The following SLC25A21 variants were observed in gnomAD, a reference collection of about 807,000 sequenced individuals.
SLC25A21 encodes mitochondrial 2-oxodicarboxylate carrier.
SLC25A21 carries 47 observed loss-of-function variants against 43.8 expected under a neutral mutation model. The observed-to-expected ratio is 1.07, with a 90% CI of 0.85 to 1.37. SLC25A21 has a LOEUF of 1.37. SLC25A21 is among the 40% of genes most tolerant of loss of function. The pLI is 0.00. For synonymous variants in SLC25A21, 131 were observed against 121.3 expected (o/e 1.08, Z -0.52); for missense variants, 352 against 350.2 (o/e 1.00, Z -0.04).
At chr14:36,711,204 A>G (rs1300364488) in intron 7 of SLC25A21, 114 bp downstream of exon 7, 1 of 894,190 alleles carries the variant, frequency 1.1e-6, no homozygotes, top group Middle Eastern at 3.2e-4. Flanking sequence ...ATCAAATTAG[A>G]TAATAGATGT....
chr14:36,721,234 A>C (rs1264155930), intron 6 of SLC25A21, among the ~76,000 whole-genome samples: 1 of 152,224 alleles, frequency 6.6e-6, no homozygotes, highest in Non-Finnish European at 1.5e-5. Flanking sequence ...TTACTGAACC[A>C]TCACTGCATG....
intron 2 of SLC25A21, among the ~76,000 whole-genome samples, chr14:36,840,952 C>T (rs1211151330): frequency 1.3e-5 from 2 of 152,180 alleles, no homozygotes; most frequent in African/African-American, 4.8e-5. Context: ...TGAGTCTAAG[C>T]TGAAGGACAG....
intron 2 of SLC25A21, among the ~76,000 whole-genome samples, chr14:36,847,124 T>C (rs1889571032): frequency 2.0e-5 from 3 of 152,198 alleles, no homozygotes; most frequent in African/African-American, 4.8e-5. Context: ...GAGTGCACCA[T>C]ATTACTTTTT....
At chr14:37,057,226 ACC>A (rs1961849296) in intron 1 of SLC25A21, among the ~76,000 whole-genome samples, 2 of 152,160 alleles carry the variant, frequency 1.3e-5, no homozygotes, top group African/African-American at 2.4e-5. Context: ...GACGTTCCTC[ACC>A]CAGCTCATTT....
At chr14:36,756,214 G>A (rs558502691) in intron 3 of SLC25A21, among the ~76,000 whole-genome samples, 8 of 152,336 alleles carry the variant, frequency 5.3e-5, no homozygotes, top group African/African-American at 1.9e-4. Flanking sequence ...AGCGGGGGCA[G>A]CTGAGGGAAG....
chr14:36,888,061 G>T (rs1182882601), intron 1 of SLC25A21, among the ~76,000 whole-genome samples: 1 of 152,088 alleles, frequency 6.6e-6, no homozygotes, highest in African/African-American at 2.4e-5. Flanking sequence ...TAAGGAAGCT[G>T]GCAAATGCTA....
Position 36,765,031 on chromosome 14 carries a change from A to G in SLC25A21, c.204-30458T>C, listed in dbSNP as rs116736123. ...CTATGTCCCTTCTCTTTAAATCTCA[A>G]TGGGCTCTGTGATTTCCTTGACCAA... On this transcript the variant is annotated intron_variant, in intron 3 of 9. Transcript: ENST00000331299. 2.0e-3 allele frequency among the ~76,000 whole-genome samples: 311 copies of G among 152,302 alleles called. 3 individuals are homozygous for G. Among genetic ancestry groups the G allele is most frequent in the African/African-American group, 7.1e-3 (294 of 41,546 alleles).
At chr14:36,939,599 C>A (rs775143641) in intron 1 of SLC25A21, among the ~76,000 whole-genome samples, 1 of 152,080 alleles carries the variant, frequency 6.6e-6, no homozygotes, top group East Asian at 1.9e-4. Flanking sequence ...AAATCTTCCT[C>A]TTGCTGTCCT....
intron 3 of SLC25A21, among the ~76,000 whole-genome samples, chr14:36,769,848 CT>C (rs1886551463): frequency 2.0e-5 from 3 of 152,202 alleles, no homozygotes; most frequent in Admixed American, 2.0e-4. Flanking sequence ...ATTTCTTACT[CT>C]TACACCTCTT....
chr14:36,715,272 G>C lies in SLC25A21; in HGVS notation c.439-3790C>G, dbSNP rs55980416. Among the ~76,000 whole-genome samples, 1,259 of 152,074 alleles carry C rather than the reference G, an allele frequency of 8.3e-3. 21 individuals carry two copies. Among genetic ancestry groups the C allele is most frequent in the African/African-American group, 0.029 (1,197 of 41,482 alleles). ...TAGTGTGTTTTCTTTCTTCATTCAG[G>C]GACATTGTTTCACACATATGTAAGC... On this transcript the variant is annotated intron_variant, in intron 6 of 9. Coordinates refer to ENST00000331299, the MANE Select transcript of SLC25A21 (RefSeq NM_030631.4).
chr14:36,973,771 G>A (rs1043311300), intron 1 of SLC25A21, among the ~76,000 whole-genome samples: 10 of 152,180 alleles, frequency 6.6e-5, no homozygotes, highest in Non-Finnish European at 1.3e-4. Flanking sequence ...GGAATAAAAG[G>A]GAATGCAGAA....
intron 1 of SLC25A21, among the ~76,000 whole-genome samples, chr14:37,086,104 CA>C (rs913421342): frequency 4.1e-5 from 6 of 146,882 alleles, no homozygotes; most frequent in Admixed American, 2.0e-4. Flanking sequence ...GGCTCCGTCT[CA>C]AAAAAAAAAT....
chr14:36,732,629 A>G (rs1884874859), intron 4 of SLC25A21, among the ~76,000 whole-genome samples: 1 of 152,130 alleles, frequency 6.6e-6, no homozygotes, highest in Non-Finnish European at 1.5e-5. Flanking sequence ...CTAAAGTGTC[A>G]GTACCAAAGA....
chr14:37,143,975 A>C (rs1963616839), intron 1 of SLC25A21, among the ~76,000 whole-genome samples: 1 of 152,212 alleles, frequency 6.6e-6, no homozygotes, highest in South Asian at 2.1e-4. Flanking sequence ...TAGAAAGTCA[A>C]ATTCAGCAGT....
At chr14:36,755,666 AT>A (rs1200119824) in intron 3 of SLC25A21, among the ~76,000 whole-genome samples, 16 of 152,356 alleles carry the variant, frequency 1.1e-4, no homozygotes, top group African/African-American at 3.6e-4. Flanking sequence ...ATTAAAAAAA[AT>A]CTATATATAT....
intron 3 of SLC25A21, among the ~76,000 whole-genome samples, chr14:36,783,038 C>T (rs1232227452): frequency 6.6e-6 from 1 of 151,430 alleles, no homozygotes; most frequent in Non-Finnish European, 1.5e-5. Context: ...GCATGCCTTC[C>T]CTTGATCCTG....
At chr14:36,991,230 C>A (rs1960256287) in intron 1 of SLC25A21, among the ~76,000 whole-genome samples, 1 of 152,188 alleles carries the variant, frequency 6.6e-6, no homozygotes, top group Non-Finnish European at 1.5e-5. Context: ...ATTGCCCATT[C>A]AGGTTGCTGA....
At chr14:36,772,003 G>A (rs565008916) in intron 3 of SLC25A21, among the ~76,000 whole-genome samples, 20 of 152,110 alleles carry the variant, frequency 1.3e-4, no homozygotes, top group Non-Finnish European at 2.5e-4. Flanking sequence ...GCAGCATAAG[G>A]TGGGGCACAC....
At chr14:36,889,024 T>A (rs1057386233) in intron 1 of SLC25A21, among the ~76,000 whole-genome samples, 5 of 152,218 alleles carry the variant, frequency 3.3e-5, no homozygotes, top group Non-Finnish European at 5.9e-5. Flanking sequence ...ATTTTATATT[T>A]GCTGATGACC....
Sources: gnomAD v4.1 joint callset for allele counts (sites outside exome capture counted in the v4.1 genomes callset) on GRCh38, gnomAD v4.1.1 for gene constraint, MANE v1.5 for transcripts, NCBI Gene and HGNC (gene_info 2026-07-23, HGNC 2026-07-21) for gene names.